GLIS3: variants seen among roughly 807,000 people sequenced by gnomAD.
GLIS3 encodes the protein GLIS family zinc finger 3, also known as zinc finger protein GLIS3.
GLIS3 carries 53 observed loss-of-function variants against 78.6 expected under a neutral mutation model. The observed-to-expected ratio is 0.67, with a 90% CI of 0.54 to 0.85. The LOEUF is 0.85. Among genes scored for constraint, GLIS3 ranks in the 40% least tolerant of loss-of-function variants. The pLI is 0.00. For synonymous variants in GLIS3, 684 were observed against 509.9 expected, an observed-to-expected ratio of 1.34 and a Z score of -4.60; for missense variants, 1,703 against 1,231.1, an observed-to-expected ratio of 1.38 and a Z score of -5.74.
intron 2 of GLIS3, among the ~76,000 whole-genome samples, chr9:4,254,245 G>A (rs1425039908): frequency 1.3e-5 from 2 of 152,116 alleles, no homozygotes; most frequent in African/African-American, 2.4e-5. Flanking sequence ...AAACCAATCA[G>A]AAGATACGTG....
rs533404056 is a variant in GLIS3 at position 3,940,447 on chromosome 9, T to G, written c.1711-3258A>C. 2.0e-5 allele frequency among the ~76,000 whole-genome samples: 3 copies of G among 152,286 alleles called. No individual in the cohort carries two copies. The East Asian group carries it at 5.8e-4, about 29-fold the overall frequency. The stretch of plus-strand genomic sequence containing the variant: ...CCATCCTGAGATCTAAGGTCAAAAC[T>G]GTCAACTAATGCTTGTGTCACTGCC... On this transcript the variant is annotated intron_variant, in intron 4 of 10. Transcript: ENST00000381971.
chr9:3,891,783 G>A (rs1008926541), intron 7 of GLIS3, among the ~76,000 whole-genome samples: 1 of 150,912 alleles, frequency 6.6e-6, no homozygotes, highest in African/African-American at 2.5e-5. Flanking sequence ...CCAGAACTAT[G>A]AATCCTAGAT....
intron 2 of GLIS3, among the ~76,000 whole-genome samples, chr9:4,320,514 C>T (rs1040405621): frequency 1.3e-5 from 2 of 152,172 alleles, no homozygotes; most frequent in East Asian, 3.8e-4. Context: ...AAATCTATTT[C>T]TAAATTCTGT....
chr9:4,074,142 T>C (rs1407374337), intron 4 of GLIS3, among the ~76,000 whole-genome samples: 1 of 152,220 alleles, frequency 6.6e-6, no homozygotes. Flanking sequence ...GTCTTCTTGC[T>C]AATTTATTGT....
At chr9:4,337,013 T>C (rs1462668443) in intron 2 of GLIS3, among the ~76,000 whole-genome samples, 1 of 152,236 alleles carries the variant, frequency 6.6e-6, no homozygotes, top group Non-Finnish European at 1.5e-5. Flanking sequence ...CTAATATTAC[T>C]AGTAAATGTT....
At chr9:4,108,446 G>A (rs922249691) in intron 4 of GLIS3, among the ~76,000 whole-genome samples, 1 of 152,146 alleles carries the variant, frequency 6.6e-6, no homozygotes, top group African/African-American at 2.4e-5. Flanking sequence ...CCACAAATGA[G>A]ATGAAAGACA....
the GLIS3 span, among the ~76,000 whole-genome samples, chr9:4,394,533 T>G: frequency 2.0e-4 from 30 of 152,126 alleles, no homozygotes; most frequent in African/African-American, 6.5e-4. Flanking sequence ...TTTAATTTGG[T>G]GATGCTGTGT....
intron 4 of GLIS3, among the ~76,000 whole-genome samples, chr9:4,080,781 C>G (rs970136392): frequency 3.3e-5 from 5 of 152,068 alleles, no homozygotes; most frequent in African/African-American, 7.2e-5. Context: ...TTACAAATAT[C>G]AAAGAAAGAT....
intron 2 of GLIS3, among the ~76,000 whole-genome samples, chr9:4,311,425 A>C (rs553176740): frequency 6.6e-6 from 1 of 152,144 alleles, no homozygotes; most frequent in African/African-American, 2.4e-5. Flanking sequence ...GTAACTAAAT[A>C]AAGTGTTTAG....
At chr9:4,376,944 A>G in the GLIS3 span, among the ~76,000 whole-genome samples, 7 of 134,956 alleles carry the variant, frequency 5.2e-5, 1 homozygote, top group African/African-American at 1.8e-4. Flanking sequence ...TGCAATGGCA[A>G]AGGATGCAGG....
intron 6 of GLIS3, among the ~76,000 whole-genome samples, chr9:3,910,720 T>C (rs1824080269): frequency 6.6e-6 from 1 of 152,218 alleles, no homozygotes; most frequent in Non-Finnish European, 1.5e-5. Flanking sequence ...ACTGGGCAAG[T>C]ATATTCACTT....
At chr9:4,094,201 C>A (rs1407207108) in intron 4 of GLIS3, among the ~76,000 whole-genome samples, 1 of 152,138 alleles carries the variant, frequency 6.6e-6, no homozygotes, top group African/African-American at 2.4e-5. Flanking sequence ...CTGAGGAAAA[C>A]AAGCTGGGTC....
intron 8 of GLIS3, among the ~76,000 whole-genome samples, chr9:3,864,634 T>TA (rs1820451034): frequency 6.6e-6 from 1 of 152,178 alleles, no homozygotes; most frequent in African/African-American, 2.4e-5. Flanking sequence ...CTTCAGTCAT[T>TA]AATAACATGT....
At chr9:3,873,150 C>T (rs1692046307) in intron 8 of GLIS3, among the ~76,000 whole-genome samples, 1 of 152,136 alleles carries the variant, frequency 6.6e-6, no homozygotes, top group Admixed American at 6.5e-5. Context: ...AAAATTCTAC[C>T]AAATGTACAG....
chr9:3,943,761 G>A (rs1485886988), intron 4 of GLIS3, among the ~76,000 whole-genome samples: 1 of 152,188 alleles, frequency 6.6e-6, no homozygotes, highest in East Asian at 1.9e-4. Context: ...GTCTCAATGA[G>A]TCAATCACTC....
the GLIS3 span, among the ~76,000 whole-genome samples, chr9:4,431,599 C>A: frequency 6.6e-6 from 1 of 152,168 alleles, no homozygotes; most frequent in Non-Finnish European, 1.5e-5. Flanking sequence ...AATCCCAGCA[C>A]TTTGGGAGAC....
rs73390408 is a variant in GLIS3, at chr9:4,026,994, G to C, written c.1711-89805C>G. Among the ~76,000 whole-genome samples, 299 of 152,268 alleles carry C rather than the reference G, an allele frequency of 2.0e-3. 1 individual carries two copies. Among genetic ancestry groups the C allele is most frequent in the Non-Finnish European group, 2.8e-3 (192 of 68,024 alleles). On this transcript the variant is annotated intron_variant, in intron 4 of 10. Coordinates refer to ENST00000381971, the MANE Select transcript of GLIS3 (RefSeq NM_001042413.2). ...AATTCCATGGAGTCTCATGATTTAAGGCCACATGTGGGAGAGGGAGAAGGA... is the reference window on the plus strand; with the variant it reads ...AATTCCATGGAGTCTCATGATTTAACGCCACATGTGGGAGAGGGAGAAGGA...
At chr9:4,049,695 C>T (rs940973335) in intron 4 of GLIS3, among the ~76,000 whole-genome samples, 15 of 152,008 alleles carry the variant, frequency 9.9e-5, no homozygotes, top group African/African-American at 3.6e-4. Context: ...TGCAATCTAC[C>T]CATCTGACAA....
intron 2 of GLIS3, among the ~76,000 whole-genome samples, chr9:4,278,659 A>C (rs1344592609): frequency 6.6e-6 from 1 of 152,256 alleles, no homozygotes; most frequent in Non-Finnish European, 1.5e-5. Context: ...GAAAATCACC[A>C]CTATGCAACC....
Sources: gnomAD v4.1 joint callset for allele counts (sites outside exome capture counted in the v4.1 genomes callset) on GRCh38, gnomAD v4.1.1 for gene constraint, MANE v1.5 for transcripts, NCBI Gene and HGNC (gene_info 2026-07-23, HGNC 2026-07-21) for gene names.